The following MAP4K4 variants were observed in gnomAD, a reference collection of about 807,000 sequenced individuals.
The protein encoded by MAP4K4 is HPK/GCK-like kinase HGK.
In MAP4K4, 38 loss-of-function variants were observed where a neutral mutation model predicts 189.6. The ratio of observed to expected loss-of-function variants is 0.20; its 90% CI spans 0.15 to 0.26. The LOEUF is 0.26. Ranked by LOEUF, MAP4K4 falls within the 10% of genes least tolerant of loss-of-function variation. The pLI, the probability that MAP4K4 is intolerant of heterozygous loss-of-function variation, is 1.00. For synonymous variants in MAP4K4, 610 were observed against 624.3 expected (o/e 0.98, Z 0.34); for missense variants, 1,054 against 1,726.9 (o/e 0.61, Z 6.91).
At chr2:101,840,412 A>G (rs1347251557) in intron 10 of MAP4K4, among the ~76,000 whole-genome samples, 3 of 152,088 alleles carry the variant, frequency 2.0e-5, no homozygotes, top group East Asian at 1.9e-4. Flanking sequence ...GCTCTACTCT[A>G]TTACAAGCGG....
intron 2 of MAP4K4, among the ~76,000 whole-genome samples, chr2:101,713,424 C>T (rs1024008589): frequency 6.6e-6 from 1 of 151,092 alleles, no homozygotes; most frequent in Non-Finnish European, 1.5e-5. Flanking sequence ...TGAAACTCAT[C>T]TCTACTAAAA....
chr2:101,848,956 G>A (rs1453829067), intron 12 of MAP4K4, among the ~76,000 whole-genome samples: 1 of 152,100 alleles, frequency 6.6e-6, no homozygotes, highest in Non-Finnish European at 1.5e-5. Context: ...TCATGCAGCC[G>A]AGTTCGTACT....
At chr2:101,837,704 A>C (rs1329975438) in intron 9 of MAP4K4, among the ~76,000 whole-genome samples, 2 of 151,922 alleles carry the variant, frequency 1.3e-5, no homozygotes, top group African/African-American at 2.4e-5. Context: ...CCTTTTCTTT[A>C]TCTCTCTCAG....
At chr2:101,880,185 T>C (rs1446674080) in intron 27 of MAP4K4, among the ~76,000 whole-genome samples, 1 of 152,184 alleles carries the variant, frequency 6.6e-6, no homozygotes, top group Non-Finnish European at 1.5e-5. Context: ...AAGAGAAGTT[T>C]TTATTTTAGT....
exon 1 of MAP4K4, chr2:101,698,050 G>A: frequency 1.5e-6 from 2 of 1,311,702 alleles, no homozygotes; most frequent in Non-Finnish European, 1.0e-6. Context: ...GACATTTATT[G>A]TTATTTGTTT....
exon 33 of MAP4K4, chr2:101,892,868 G>A (rs1553603915): frequency 2.2e-6 from 1 of 456,340 alleles, no homozygotes; most frequent in South Asian, 1.5e-5. Flanking sequence ...CTCAGGAAAG[G>A]ATCAGGACTC....
intron 11 of MAP4K4, among the ~76,000 whole-genome samples, chr2:101,842,983 G>A (rs887908099): frequency 6.6e-6 from 1 of 152,176 alleles, no homozygotes; most frequent in Non-Finnish European, 1.5e-5. Flanking sequence ...AGCCACGGAT[G>A]GTGAAGGTGC....
At chr2:101,892,786 T>C (rs1409800800) in exon 33 of MAP4K4, 1 of 421,638 alleles carries the variant, frequency 2.4e-6, no homozygotes. Flanking sequence ...ACATTTGTAA[T>C]AAATGTCTTG....
chr2:101,708,556 C>T (rs2043655422), intron 2 of MAP4K4, among the ~76,000 whole-genome samples: 1 of 152,124 alleles, frequency 6.6e-6, no homozygotes, highest in African/African-American at 2.4e-5. Flanking sequence ...CTGCTTTGAA[C>T]AAACCTTTGA....
At chr2:101,733,025 G>A (rs2059123568) in intron 2 of MAP4K4, among the ~76,000 whole-genome samples, 1 of 152,246 alleles carries the variant, frequency 6.6e-6, no homozygotes, top group African/African-American at 2.4e-5. Context: ...CTCTGCCAAT[G>A]TTACTACGTC....
At chr2:101,737,943 G>T (rs1275241905) in intron 2 of MAP4K4, among the ~76,000 whole-genome samples, 1 of 152,106 alleles carries the variant, frequency 6.6e-6, no homozygotes, top group African/African-American at 2.4e-5. Context: ...TTGATCCTCT[G>T]TTCTGTGGCA....
intron 2 of MAP4K4, among the ~76,000 whole-genome samples, chr2:101,742,565 C>T (rs2063336184): frequency 6.6e-6 from 1 of 152,104 alleles, no homozygotes; most frequent in Admixed American, 6.5e-5. Flanking sequence ...GTGTTAACTT[C>T]GGCTTGAGTA....
chr2:101,709,591 G>C (rs1392332873), intron 2 of MAP4K4, among the ~76,000 whole-genome samples: 1 of 152,148 alleles, frequency 6.6e-6, no homozygotes, highest in East Asian at 1.9e-4. Flanking sequence ...CTGGTAGTAG[G>C]AACTAGGCCA....
intron 3 of MAP4K4, among the ~76,000 whole-genome samples, chr2:101,801,258 G>A (rs376973521): frequency 1.3e-5 from 2 of 152,034 alleles, no homozygotes; most frequent in African/African-American, 4.8e-5. Flanking sequence ...CCTCAATTTC[G>A]ATTCCAGCAC....
In MAP4K4 at chr2:101,701,463, G is replaced by A. The variant is rs115845140; in HGVS notation, c.123+2925G>A. On this transcript the variant is annotated intron_variant, in intron 2 of 32. Transcript: ENST00000324219. ...GAGATGTTATTTGGACTTGAGGAGA[G>A]ACATCTTCTTTAAGCATTGAGGAGC... 5.1e-3 allele frequency among the ~76,000 whole-genome samples: 780 copies of A among 152,264 alleles called. 7 individuals carry two copies. Among genetic ancestry groups the A allele is most frequent in the African/African-American group, 0.018 (736 of 41,540 alleles).
At chr2:101,867,895 CAG>C (rs1420514849) in intron 20 of MAP4K4, 132 bp from the exon 21 acceptor site, 13 of 815,878 alleles carry the variant, frequency 1.6e-5, no homozygotes, top group Non-Finnish European at 2.7e-5. Context: ...TTAAGCCTGT[CAG>C]AGTTTTCATT....
intron 3 of MAP4K4, among the ~76,000 whole-genome samples, chr2:101,798,098 A>G (rs564870017): frequency 2.0e-5 from 3 of 149,254 alleles, no homozygotes; most frequent in Non-Finnish European, 4.4e-5. Flanking sequence ...TTTTTTTGAG[A>G]GATGGGGTCT....
intron 3 of MAP4K4, among the ~76,000 whole-genome samples, chr2:101,793,568 G>GTTTTTT (rs5832988): frequency 2.3e-4 from 29 of 127,550 alleles, no homozygotes; most frequent in African/African-American, 8.5e-4. Context: ...ACTCTTCATG[G>GTTTTTT]TTTTTTTTTT....
intron 2 of MAP4K4, among the ~76,000 whole-genome samples, chr2:101,728,157 C>T (rs1049033256): frequency 3.3e-5 from 5 of 152,160 alleles, no homozygotes; most frequent in Admixed American, 3.3e-4. Context: ...GCTCTTGAAG[C>T]GTGGATCCCA....
Sources: gnomAD v4.1 joint callset for allele counts (sites outside exome capture counted in the v4.1 genomes callset) on GRCh38, gnomAD v4.1.1 for gene constraint, MANE v1.5 for transcripts, NCBI Gene and HGNC (gene_info 2026-07-23, HGNC 2026-07-21) for gene names.